THSD7B: variants seen among roughly 807,000 people sequenced by gnomAD.
The protein encoded by THSD7B is thrombospondin type-1 domain-containing protein 7B.
Under a neutral mutation model 213.6 loss-of-function variants are expected in THSD7B, and 138 were observed. The ratio of observed to expected loss-of-function variants is 0.65; its 90% CI spans 0.56 to 0.74. The LOEUF is 0.74. Ranked by LOEUF, THSD7B falls within the 30% of genes least tolerant of loss-of-function variation. The pLI, the probability that THSD7B is intolerant of heterozygous loss-of-function variation, is 0.00. For synonymous variants in THSD7B, 742 were observed against 687.0 expected (o/e 1.08, Z -1.25); for missense variants, 1,931 against 1,991.5 (o/e 0.97, Z 0.58).
chr2:136,980,597 C>T lies in THSD7B; in HGVS notation c.140-75823C>T, dbSNP rs550325902. Among the ~76,000 whole-genome samples the T allele has an allele frequency of 3.3e-5, 5 of 152,226 alleles. No individual in the cohort carries two copies. In the East Asian group the frequency reaches 5.8e-4, roughly 18 times the overall value. ...TCAAACTACCCAGTCTCCCTGGCACCGACAGGGGAAAATGGCTGAAATTGA... is the reference window on the plus strand; with the variant it reads ...TCAAACTACCCAGTCTCCCTGGCACTGACAGGGGAAAATGGCTGAAATTGA... On this transcript the variant is annotated intron_variant, in intron 2 of 27. Coordinates refer to ENST00000409968, the MANE Select transcript of THSD7B (RefSeq NM_001316349.2).
intron 15 of THSD7B, among the ~76,000 whole-genome samples, chr2:137,513,532 T>C (rs2105155565): frequency 6.6e-6 from 1 of 152,360 alleles, no homozygotes; most frequent in South Asian, 2.1e-4. Flanking sequence ...ATATGCATTT[T>C]ATAATTTGAA....
chr2:137,261,442 T>G (rs910933083), intron 10 of THSD7B, among the ~76,000 whole-genome samples: 3 of 152,206 alleles, frequency 2.0e-5, no homozygotes, highest in Non-Finnish European at 4.4e-5. Flanking sequence ...ATTACCTGAT[T>G]ATTCTTCTTC....
chr2:137,364,775 T>C (rs563664323), intron 12 of THSD7B, among the ~76,000 whole-genome samples: 1 of 152,298 alleles, frequency 6.6e-6, no homozygotes, highest in East Asian at 1.9e-4. Flanking sequence ...TCCATGCTCA[T>C]GGATAGGAAG....
intron 15 of THSD7B, among the ~76,000 whole-genome samples, chr2:137,532,801 T>C (rs566987113): frequency 6.6e-6 from 1 of 151,754 alleles, no homozygotes; most frequent in East Asian, 1.9e-4. Context: ...AAAACAAACC[T>C]GTAAACTAGC....
intron 12 of THSD7B, among the ~76,000 whole-genome samples, chr2:137,317,941 G>T (rs538362858): frequency 1.3e-5 from 2 of 151,928 alleles, no homozygotes; most frequent in Admixed American, 6.6e-5. Flanking sequence ...GGGGAGGGGG[G>T]AAGAAAAAGG....
intron 5 of THSD7B, among the ~76,000 whole-genome samples, chr2:137,117,030 A>G (rs1448437819): frequency 6.6e-6 from 1 of 152,218 alleles, no homozygotes; most frequent in African/African-American, 2.4e-5. Context: ...GTAAATACAT[A>G]GATGTGTAAC....
intron 1 of THSD7B, among the ~76,000 whole-genome samples, chr2:136,845,140 C>T (rs1463204340): frequency 6.6e-6 from 1 of 152,144 alleles, no homozygotes; most frequent in East Asian, 1.9e-4. Flanking sequence ...GATTGTAATT[C>T]TCTAGAGATG....
At chr2:137,318,345 C>A (rs890871089) in intron 12 of THSD7B, among the ~76,000 whole-genome samples, 1 of 152,106 alleles carries the variant, frequency 6.6e-6, no homozygotes, top group Non-Finnish European at 1.5e-5. Context: ...TCCAATGTTG[C>A]AGAAAAAGCC....
chr2:136,794,058 C>T (rs746947638), intron 1 of THSD7B, among the ~76,000 whole-genome samples: 5 of 150,528 alleles, frequency 3.3e-5, no homozygotes, highest in East Asian at 1.9e-4. Context: ...TATCTGTTTC[C>T]GTGTGGTGAT....
chr2:136,913,871 T>G (rs1558849943), intron 2 of THSD7B, among the ~76,000 whole-genome samples: 3 of 152,300 alleles, frequency 2.0e-5, no homozygotes, highest in East Asian at 3.9e-4. Context: ...AAGGGAAATG[T>G]GGGGTTGGAG....
intron 2 of THSD7B, among the ~76,000 whole-genome samples, chr2:137,033,989 C>T (rs1172581022): frequency 2.0e-5 from 3 of 151,434 alleles, no homozygotes; most frequent in Non-Finnish European, 4.4e-5. Flanking sequence ...CCACCTCCCG[C>T]CCCCCATGTC....
intron 13 of THSD7B, 146 bp from the exon 14 acceptor site, chr2:137,411,463 G>T: frequency 1.4e-6 from 1 of 733,468 alleles, no homozygotes; most frequent in Non-Finnish European, 2.1e-6. Context: ...CGTTGTCTCA[G>T]GATTTACTTT....
Position 136,882,457 on chromosome 2 carries a change from T to A in THSD7B, c.139+140T>A, listed in dbSNP as rs1010740991. On this transcript the variant is annotated intron_variant, in intron 2 of 27. Coordinates refer to ENST00000409968, the MANE Select transcript of THSD7B (RefSeq NM_001316349.2). Reference sequence around the variant, plus strand: ...GACTCTTTTTTTTAAATTCTGCAGCTCATATTTGATTTTTTACTCCTGCAT... The same window carrying A: ...GACTCTTTTTTTTAAATTCTGCAGCACATATTTGATTTTTTACTCCTGCAT... 2.1e-5 allele frequency: 21 copies of A among 994,432 alleles called. No homozygotes were observed. In the African/African-American group the frequency reaches 3.1e-4, roughly 15 times the overall value. The allele number at this position is 994,432 out of a possible 1,614,324, so 61.6% of individuals were successfully genotyped here.
At chr2:137,174,618 T>C (rs879413672) in intron 7 of THSD7B, among the ~76,000 whole-genome samples, 3 of 152,194 alleles carry the variant, frequency 2.0e-5, no homozygotes, top group Non-Finnish European at 4.4e-5. Flanking sequence ...CTGAAGCTCC[T>C]CTTTCTCCCT....
chr2:137,327,727 T>C (rs1350745498), intron 12 of THSD7B, among the ~76,000 whole-genome samples: 6 of 152,174 alleles, frequency 3.9e-5, no homozygotes, highest in Admixed American at 3.3e-4. Flanking sequence ...CTAGATGTAA[T>C]AAAAAATGTT....
rs144569240 is a variant in THSD7B at position 137,299,429 on chromosome 2, G to A, written c.2500+23403G>A. ...GCTGAAATGAGTTAAGACTTTGGGC[G>A]ACTGCTGGGAAGGCATGATTGGTTT... On this transcript the variant is annotated intron_variant, in intron 12 of 27. Coordinates refer to ENST00000409968, the MANE Select transcript of THSD7B (RefSeq NM_001316349.2). Among the ~76,000 whole-genome samples the A allele has an allele frequency of 6.9e-3, 1,047 of 152,168 alleles. 11 individuals carry two copies. Among genetic ancestry groups the A allele is most frequent in the African/African-American group, 0.024 (976 of 41,524 alleles).
At chr2:137,634,612 A>G (rs1057431108) in intron 20 of THSD7B, among the ~76,000 whole-genome samples, 14 of 152,316 alleles carry the variant, frequency 9.2e-5, no homozygotes, top group East Asian at 7.7e-4. Flanking sequence ...TTCAATGACT[A>G]TGTGTCAGGG....
chr2:136,893,688 T>C lies in THSD7B; in HGVS notation c.139+11371T>C, dbSNP rs151249022. On this transcript the variant is annotated intron_variant, in intron 2 of 27. Transcript: ENST00000409968. Reference sequence around the variant, plus strand: ...GAATCAAAGTTTTTAAAAGCCCACCTTCTTCTGTGTACCTTATGGATTTAC... The same window carrying C: ...GAATCAAAGTTTTTAAAAGCCCACCCTCTTCTGTGTACCTTATGGATTTAC... Among the ~76,000 whole-genome samples, 175 of 152,304 alleles carry C rather than the reference T, an allele frequency of 1.1e-3. No individual in the cohort carries two copies. The Middle Eastern group carries it at 0.014, about 12-fold the overall frequency.
intron 1 of THSD7B, among the ~76,000 whole-genome samples, chr2:136,821,081 A>T (rs1456972444): frequency 1.3e-5 from 2 of 152,206 alleles, no homozygotes; most frequent in African/African-American, 4.8e-5. Flanking sequence ...TGACAATCTC[A>T]TTGAATATTC....
Sources: gnomAD v4.1 joint callset for allele counts (sites outside exome capture counted in the v4.1 genomes callset) on GRCh38, gnomAD v4.1.1 for gene constraint, MANE v1.5 for transcripts, NCBI Gene and HGNC (gene_info 2026-07-23, HGNC 2026-07-21) for gene names.